The following CYB561A3 variants were observed in gnomAD, a reference collection of about 807,000 sequenced individuals.
The protein encoded by CYB561A3 is lysosomal membrane ascorbate-dependent ferrireductase CYB561A3.
CYB561A3 carries 16 observed loss-of-function variants against 25.3 expected under a neutral mutation model. The observed-to-expected ratio is 0.63, with a 90% CI of 0.43 to 0.96. The LOEUF (loss-of-function observed/expected upper bound fraction) is 0.96, where lower values mean the gene tolerates loss of function less well. Among genes scored for constraint, CYB561A3 ranks in the 40% least tolerant of loss-of-function variants. The pLI is 0.00. For missense variants in CYB561A3, 219 were observed against 307.5 expected, an observed-to-expected ratio of 0.71 and a Z score of 2.15; for synonymous variants, 131 against 129.9, an observed-to-expected ratio of 1.01 and a Z score of -0.06.
At chr11:61,359,708 C>G (rs1417212023) in intron 1 of CYB561A3, 2 of 152,130 alleles carry the variant, frequency 1.3e-5, no homozygotes, top group Non-Finnish European at 2.9e-5. Context: ...TGAAATAGAG[C>G]AAAGCAGGAG....
intron 6 of CYB561A3, 115 bp from the exon 7 acceptor site, chr11:61,350,537 A>C: frequency 7.4e-7 from 1 of 1,356,814 alleles, no homozygotes; most frequent in Non-Finnish European, 1.0e-6. Context: ...AAGCCACCAA[A>C]TCCCTCAGGG....
At chr11:61,353,420 A>C in intron 4 of CYB561A3, 1 of 609,064 alleles carries the variant, frequency 1.6e-6, no homozygotes, top group Non-Finnish European at 3.0e-6. Flanking sequence ...AAAACTCTTC[A>C]CTCGCACAGG....
intron 2 of CYB561A3, chr11:61,357,126 G>T (rs781536094): frequency 1.3e-6 from 2 of 1,512,826 alleles, no homozygotes; most frequent in African/African-American, 2.8e-5. Flanking sequence ...GCTAAATTAC[G>T]CAAACACCCA....
chr11:61,349,822 G>C lies in CYB561A3; in HGVS notation c.*577C>G, dbSNP rs1857314624. The C allele has an allele frequency of 3.3e-6, 2 of 602,606 alleles. No individual in the cohort carries two copies. Among genetic ancestry groups the C allele is most frequent in the Non-Finnish European group, 6.0e-6 (2 of 331,554 alleles). The allele number at this position is 602,606 out of a possible 1,614,324, so 37.3% of individuals were successfully genotyped here. ...CACATCCAGATGGGGCTGGATGGCA[G>C]AGCAGATGAAGCCTGCTCTGTGGCG... On this transcript the variant is annotated 3_prime_UTR_variant, in exon 7 of 7. Coordinates refer to ENST00000294072, the MANE Select transcript of CYB561A3 (RefSeq NM_153611.6).
chr11:61,356,497 C>G, intron 3 of CYB561A3, 33 bp downstream of exon 3: 1 of 1,606,252 alleles, frequency 6.2e-7, no homozygotes, highest in Non-Finnish European at 8.5e-7. Context: ...AGCCTGAGCC[C>G]TATCCCGCCT....
chr11:61,353,671 G>A, intron 4 of CYB561A3, 113 bp downstream of exon 4: 1 of 1,151,086 alleles, frequency 8.7e-7, no homozygotes, highest in East Asian at 2.5e-5. Flanking sequence ...ATAACAATCT[G>A]CAAGTCCCTC....
chr11:61,353,986 A>T lies in CYB561A3; in HGVS notation c.191T>A (p.Leu64Gln). The stretch of plus-strand genomic sequence containing the variant: ...CCACGACTGGGGCAGGCGGTACACC[A>T]GTGACGCTGCAGGAGAGAGTAGTGC... Reference protein sequence around the residue: ...GMVVFYGGASLVYRLPQSWVG... With the variant: ...GMVVFYGGASQVYRLPQSWVG... The change falls in exon 4 of 7, where the codon CTG becomes CAG. Residue 64 changes from leucine to glutamine, a missense_variant. Transcript: ENST00000294072. The T allele has an allele frequency of 1.2e-6, 2 of 1,614,126 alleles. No homozygotes were observed. Among genetic ancestry groups the T allele is most frequent in the Non-Finnish European group, 1.7e-6 (2 of 1,180,020 alleles).
Position 61,356,691 on chromosome 11 carries a change from A to G in CYB561A3, c.23T>C (p.Leu8Ser). MVSGRFY[L>S]SCLLLGSLGS... ...CAGGGACCCCAGCAGCAGGCAGGACAAGTAGAACCGTCCAGACACCATTCT... is the reference window on the plus strand; with the variant it reads ...CAGGGACCCCAGCAGCAGGCAGGACGAGTAGAACCGTCCAGACACCATTCT... Residue 8 changes from leucine (L) to serine (S), a missense_variant, in exon 3 of 7, where the codon TTG becomes TCG. Physicochemically the swap from Leu to Ser is moderately radical, Grantham distance 145. Transcript: ENST00000294072. The G allele has an allele frequency of 1.2e-6, 2 of 1,614,194 alleles. No individual in the cohort carries two copies. Among genetic ancestry groups the G allele is most frequent in the Non-Finnish European group, 1.7e-6 (2 of 1,180,020 alleles).
Position 61,352,741 on chromosome 11 carries a change from G to A in CYB561A3, c.548+244C>T, listed in dbSNP as rs573678179. ...TGTAGGGTGGTTGACAGGATTAAAT[G>A]TAAGGTGCTTAGTACTGTTTCTGAC... On this transcript the variant is annotated intron_variant, in intron 5 of 6. Coordinates refer to ENST00000294072, the MANE Select transcript of CYB561A3 (RefSeq NM_153611.6). The A allele has an allele frequency of 9.7e-6, 12 of 1,234,010 alleles. No homozygotes were observed. In the African/African-American group the frequency reaches 1.1e-4, roughly 11 times the overall value. 76.4% of individuals were successfully genotyped at this position (1,234,010 alleles called of 1,614,324 possible).
At position 61,350,120 on chromosome 11, in the gene CYB561A3, A is replaced by G; in HGVS notation, c.*279T>C. On this transcript the variant is annotated 3_prime_UTR_variant, in exon 7 of 7. Coordinates refer to ENST00000294072, the MANE Select transcript of CYB561A3 (RefSeq NM_153611.6). ...AAGCAGACAGGCAGCAAGCAGCCAG[A>G]GAAGGCAGGCCCAGCACCCAGGCAA... 3 of 576,540 alleles carry G rather than the reference A, an allele frequency of 5.2e-6. No individual in the cohort carries two copies. The South Asian group carries it at 6.3e-5, about 12-fold the overall frequency. The allele number at this position is 576,540 out of a possible 1,614,324, so 35.7% of individuals were successfully genotyped here.
At chr11:61,360,579 ATAT>A (rs2135136302) in intron 1 of CYB561A3, 1 of 152,316 alleles carries the variant, frequency 6.6e-6, no homozygotes, top group South Asian at 2.1e-4. Context: ...ACGTCACAAG[ATAT>A]TATTAACTTC....
chr11:61,356,372 T>A, intron 3 of CYB561A3, 158 bp downstream of exon 3: 2 of 905,916 alleles, frequency 2.2e-6, no homozygotes, highest in Non-Finnish European at 3.1e-6. Context: ...TCTTAACCCC[T>A]TCCTCCCCCA....
chr11:61,355,075 A>G (rs1245025034), intron 3 of CYB561A3, among the ~76,000 whole-genome samples: 3 of 151,894 alleles, frequency 2.0e-5, no homozygotes, highest in Admixed American at 6.6e-5. Context: ...TCACTGTGTT[A>G]GCGAGGATGG....
chr11:61,353,378 T>C (rs1857508323), intron 4 of CYB561A3: 1 of 611,982 alleles, frequency 1.6e-6, no homozygotes, highest in Non-Finnish European at 2.9e-6. Flanking sequence ...AACCACCTTG[T>C]TTGTCTCTGG....
In CYB561A3 at chr11:61,353,032, G is replaced by A; in HGVS notation, c.501C>T (p.Ser167=). The A allele has an allele frequency of 6.2e-7, 1 of 1,614,182 alleles. No individual in the cohort carries two copies. Among genetic ancestry groups the A allele is most frequent in the Non-Finnish European group, 8.5e-7 (1 of 1,180,040 alleles). Residue 167 remains serine (S), a synonymous_variant, in exon 5 of 7, where the codon TCC becomes TCT. Transcript: ENST00000294072. Reference sequence around the variant, plus strand: ...TAATGCCCGAAATGACGGATGCGATGGACAGAGAGAGGATGGCGGCTCCAA... The same window carrying A: ...TAATGCCCGAAATGACGGATGCGATAGACAGAGAGAGGATGGCGGCTCCAA... The part of the protein sequence containing the change: ...VFFGAAILSL[S]IASVISGINE...
chr11:61,349,883 A>G lies in CYB561A3; in HGVS notation c.*516T>C, dbSNP rs943728750. On this transcript the variant is annotated 3_prime_UTR_variant, in exon 7 of 7. Transcript: ENST00000294072. ...ACTGAAATGCACACCTTTATGGGGG[A>G]AGTGGACGGACACCTCACCTCCCTC... is the stretch of plus-strand genomic sequence containing the variant. 3 of 538,950 alleles carry G rather than the reference A, an allele frequency of 5.6e-6. No individual in the cohort carries two copies. The Admixed American group carries it at 9.3e-5, about 17-fold the overall frequency. The allele number at this position is 538,950 out of a possible 1,614,324, so 33.4% of individuals were successfully genotyped here. A position where few individuals can be genotyped will look rare whatever the true frequency, so the allele number is the denominator to read the frequency against.
chr11:61,354,153 T>C, intron 3 of CYB561A3, 161 bp from the exon 4 acceptor site: 1 of 724,792 alleles, frequency 1.4e-6, no homozygotes, highest in East Asian at 2.7e-5. Flanking sequence ...TCCCATGATT[T>C]GTGGGATAAC....
At chr11:61,352,899 G>C (rs775911046) in intron 5 of CYB561A3, 86 bp downstream of exon 5, 1 of 1,606,956 alleles carries the variant, frequency 6.2e-7, no homozygotes, top group South Asian at 1.1e-5. Context: ...TCCTCCCTTG[G>C]GTGAGTCCTG....
intron 1 of CYB561A3, chr11:61,359,827 C>A (rs1221241453): frequency 1.3e-5 from 2 of 152,280 alleles, no homozygotes; most frequent in East Asian, 3.8e-4. Flanking sequence ...TCGAGACCAG[C>A]CTGGCCAACA....
Sources: allele counts gnomAD v4.1 joint callset (sites outside exome capture counted in the v4.1 genomes callset), GRCh38; gene constraint gnomAD v4.1.1; transcripts MANE v1.5; gene names NCBI Gene and HGNC (gene_info 2026-07-23, HGNC 2026-07-21).